AUTS2: variants seen among roughly 807,000 people sequenced by gnomAD.
AUTS2 encodes the protein autism susceptibility gene 2 protein.
A neutral mutation model predicts 112.4 loss-of-function variants in AUTS2; 17 were observed. That is an observed-to-expected ratio of 0.15 (90% confidence interval 0.10 to 0.23). The LOEUF is 0.23. Among genes scored for constraint, AUTS2 ranks in the 10% least tolerant of loss-of-function variants. The probability of loss-of-function intolerance (pLI) is 1.00; values close to 1 mark genes in which losing one functional copy is unlikely to be tolerated. For synonymous variants in AUTS2, 751 were observed against 702.7 expected (o/e 1.07, Z -1.09); for missense variants, 1,510 against 1,701.6 (o/e 0.89, Z 1.98).
intron 5 of AUTS2, among the ~76,000 whole-genome samples, chr7:70,497,355 ACAAT>A (rs1798599615): frequency 6.6e-6 from 1 of 152,212 alleles, no homozygotes; most frequent in Non-Finnish European, 1.5e-5. Flanking sequence ...GCACAGACAC[ACAAT>A]CACTTCTTGA....
At chr7:69,868,888 C>T (rs750486359) in intron 1 of AUTS2, among the ~76,000 whole-genome samples, 2 of 152,184 alleles carry the variant, frequency 1.3e-5, no homozygotes, top group Non-Finnish European at 2.9e-5. Context: ...CAGTGTTCCC[C>T]TCTGCTAGCT....
In AUTS2 at chr7:70,090,009, CAAATAAATAAATAAATAAAT is replaced by C. The variant is rs34279658; in HGVS notation, c.523-28106_523-28087del. On this transcript the variant is annotated intron_variant, in intron 2 of 18. Transcript: ENST00000342771. The stretch of plus-strand genomic sequence containing the variant: ...GAAAGACAGAGAGACTGTTTCAAAA[CAAATAAATAAATAAATAAAT>C]AAATAAATAAATAAATTTAAAAATA... Among the ~76,000 whole-genome samples the C allele has an allele frequency of 7.6e-5, 11 of 144,416 alleles. No homozygotes were observed. In the South Asian group the frequency reaches 2.5e-3, roughly 32 times the overall value. The allele number at this position is 144,416 out of a possible 152,430, so 94.7% of individuals were successfully genotyped here. A position where few individuals can be genotyped will look rare whatever the true frequency, so the allele number is the denominator to read the frequency against.
chr7:70,283,955 C>T (rs1788340787), intron 4 of AUTS2, among the ~76,000 whole-genome samples: 2 of 152,168 alleles, frequency 1.3e-5, no homozygotes, highest in Non-Finnish European at 1.5e-5. Flanking sequence ...TAGTATATCA[C>T]AATCCCGTAG....
chr7:69,602,040 A>G (rs5007799), intron 1 of AUTS2, among the ~76,000 whole-genome samples: 584 of 46,024 alleles, frequency 0.013, 4 homozygotes, highest in Non-Finnish European at 0.019. Flanking sequence ...ATATATATAT[A>G]TGTGTGTGTG....
intron 1 of AUTS2, among the ~76,000 whole-genome samples, chr7:69,672,087 T>C (rs1264344021): frequency 6.6e-6 from 1 of 151,756 alleles, no homozygotes; most frequent in African/African-American, 2.4e-5. Flanking sequence ...GAAATGGAGT[T>C]TCATTCTTGT....
At chr7:70,083,143 T>G (rs1803406760) in intron 2 of AUTS2, among the ~76,000 whole-genome samples, 1 of 152,172 alleles carries the variant, frequency 6.6e-6, no homozygotes. Flanking sequence ...TGATGATTGT[T>G]TTTCTTGATA....
chr7:69,921,452 G>T (rs1319016190), intron 2 of AUTS2, among the ~76,000 whole-genome samples: 1 of 150,848 alleles, frequency 6.6e-6, no homozygotes, highest in African/African-American at 2.4e-5. Flanking sequence ...AACCATTCTG[G>T]ATCTCACAGA....
chr7:69,625,125 G>A (rs879880763), intron 1 of AUTS2, among the ~76,000 whole-genome samples: 3 of 152,170 alleles, frequency 2.0e-5, no homozygotes, highest in Admixed American at 2.0e-4. Flanking sequence ...TAGATTAGAA[G>A]ATGCTTTCTT....
intron 4 of AUTS2, among the ~76,000 whole-genome samples, chr7:70,211,348 TA>T (rs35187880): frequency 0.065 from 6,239 of 95,286 alleles, 135 homozygotes; most frequent in Middle Eastern, 0.17. Flanking sequence ...TTTTTTTTTT[TA>T]AAAGAAAAAA....
At chr7:70,636,973 C>G (rs1210080492) in intron 5 of AUTS2, among the ~76,000 whole-genome samples, 1 of 152,170 alleles carries the variant, frequency 6.6e-6, no homozygotes, top group Non-Finnish European at 1.5e-5. Flanking sequence ...CAGTATTTTG[C>G]ATGTAAGATG....
intron 1 of AUTS2, among the ~76,000 whole-genome samples, chr7:69,882,280 C>T (rs1368443112): frequency 6.6e-6 from 1 of 151,762 alleles, no homozygotes; most frequent in African/African-American, 2.4e-5. Flanking sequence ...TTGAGACCAG[C>T]CTGGGCAACA....
intron 6 of AUTS2, among the ~76,000 whole-genome samples, chr7:70,713,991 A>G (rs1406606358): frequency 1.3e-5 from 2 of 152,144 alleles, no homozygotes; most frequent in Non-Finnish European, 2.9e-5. Context: ...CATTTCAAGT[A>G]ACCAGGTGAT....
chr7:70,489,217 A>G (rs151147351), intron 5 of AUTS2, among the ~76,000 whole-genome samples: 6 of 152,258 alleles, frequency 3.9e-5, no homozygotes, highest in African/African-American at 1.4e-4. Flanking sequence ...AGTTATTGAA[A>G]AAACACAAAT....
At position 70,748,024 on chromosome 7, in the gene AUTS2, T is replaced by C. The variant is rs113874074; in HGVS notation, c.743-14846T>C. Among the ~76,000 whole-genome samples, 140 of 137,034 alleles carry C rather than the reference T, an allele frequency of 1.0e-3. 1 individual carries two copies. Among genetic ancestry groups the C allele is most frequent in the African/African-American group, 4.0e-3 (139 of 34,544 alleles). 89.9% of individuals were successfully genotyped at this position (137,034 alleles called of 152,430 possible). A position where few individuals can be genotyped will look rare whatever the true frequency, so the allele number is the denominator to read the frequency against. ...TTTTTTTTTTTAGTAGAGATGGGGT[T>C]TCACCATGTTAGCAAGGATGGTCTC... On this transcript the variant is annotated intron_variant, in intron 6 of 18. Transcript: ENST00000342771.
chr7:70,255,097 G>A (rs905992546), intron 4 of AUTS2, among the ~76,000 whole-genome samples: 2 of 127,088 alleles, frequency 1.6e-5, no homozygotes, highest in Non-Finnish European at 1.7e-5. Context: ...TTTTTTTGAC[G>A]GAGTCTCACT....
intron 5 of AUTS2, among the ~76,000 whole-genome samples, chr7:70,485,864 G>C (rs551230351): frequency 6.6e-6 from 1 of 152,094 alleles, no homozygotes; most frequent in Non-Finnish European, 1.5e-5. Context: ...GCTGTGGCCA[G>C]CTCTTCCTCC....
chr7:70,275,969 A>G (rs936607802), intron 4 of AUTS2, among the ~76,000 whole-genome samples: 1 of 152,120 alleles, frequency 6.6e-6, no homozygotes, highest in Non-Finnish European at 1.5e-5. Context: ...ACACGCACAC[A>G]TTCTTTTATT....
intron 1 of AUTS2, among the ~76,000 whole-genome samples, chr7:69,693,649 T>A (rs1273750072): frequency 6.6e-6 from 1 of 152,210 alleles, no homozygotes; most frequent in Non-Finnish European, 1.5e-5. Flanking sequence ...GAGGAGATAC[T>A]GTGATATCAT....
At chr7:70,005,233 C>G (rs939240920) in intron 2 of AUTS2, among the ~76,000 whole-genome samples, 35 of 152,024 alleles carry the variant, frequency 2.3e-4, no homozygotes, top group African/African-American at 8.0e-4. Flanking sequence ...GATTGAACAG[C>G]TTCCATGGGT....
Sources: gnomAD v4.1 joint callset for allele counts (sites outside exome capture counted in the v4.1 genomes callset) on GRCh38, gnomAD v4.1.1 for gene constraint, MANE v1.5 for transcripts, NCBI Gene and HGNC (gene_info 2026-07-23, HGNC 2026-07-21) for gene names.